MAGI2: variants seen among roughly 807,000 people sequenced by gnomAD.
The protein encoded by MAGI2 is membrane-associated guanylate kinase, WW and PDZ domain-containing protein 2.
In MAGI2, 35 loss-of-function variants were observed where a neutral mutation model predicts 133.3. That is an observed-to-expected ratio of 0.26 (90% CI 0.20 to 0.35). The LOEUF (loss-of-function observed/expected upper bound fraction) is 0.35, where lower values mean the gene tolerates loss of function less well. Ranked by LOEUF, MAGI2 falls within the 10% of genes least tolerant of loss-of-function variation. MAGI2 has a pLI of 1.00. For missense variants in MAGI2, 1,636 were observed against 1,863.4 expected (o/e 0.88, Z 2.25); for synonymous variants, 729 against 710.6 (o/e 1.03, Z -0.41).
chr7:78,420,152 C>T (rs760186074), intron 6 of MAGI2, among the ~76,000 whole-genome samples: 1 of 152,188 alleles, frequency 6.6e-6, no homozygotes, highest in South Asian at 2.1e-4. Flanking sequence ...TGAAAGCCTG[C>T]TCATCATTTG....
chr7:78,989,747 G>A (rs989647792), intron 2 of MAGI2, among the ~76,000 whole-genome samples: 2 of 151,974 alleles, frequency 1.3e-5, no homozygotes, highest in African/African-American at 2.4e-5. Context: ...AACTGGTTGA[G>A]TCTCAACATG....
At chr7:79,428,093 A>C (rs1343325619) in intron 1 of MAGI2, among the ~76,000 whole-genome samples, 1 of 152,118 alleles carries the variant, frequency 6.6e-6, no homozygotes, top group Non-Finnish European at 1.5e-5. Flanking sequence ...GAGCTTACTA[A>C]AGTGACAAGT....
At chr7:79,452,809 G>A in intron 1 of MAGI2, 1 of 578,044 alleles carries the variant, frequency 1.7e-6, no homozygotes, top group Non-Finnish European at 3.0e-6. Context: ...AGCAAACAAA[G>A]TTGCACGCCA....
At chr7:79,171,154 TAGAAGTC>T (rs1319309912) in intron 1 of MAGI2, among the ~76,000 whole-genome samples, 2 of 152,068 alleles carry the variant, frequency 1.3e-5, no homozygotes, top group Non-Finnish European at 2.9e-5. Context: ...CCCATGGTTC[TAGAAGTC>T]AGAAGTCTGA....
intron 2 of MAGI2, among the ~76,000 whole-genome samples, chr7:78,877,393 G>A (rs1795513090): frequency 1.3e-5 from 2 of 152,200 alleles, no homozygotes; most frequent in African/African-American, 2.4e-5. Context: ...AATCTTACAT[G>A]TATAAACCAC....
chr7:78,872,181 A>G (rs1476190644), intron 2 of MAGI2, among the ~76,000 whole-genome samples: 1 of 151,782 alleles, frequency 6.6e-6, no homozygotes, highest in Admixed American at 6.6e-5. Flanking sequence ...TTGGTAAAAA[A>G]CAGACACAAA....
chr7:79,423,931 ATTTGGTTCAT>A (rs2129181499), intron 1 of MAGI2, among the ~76,000 whole-genome samples: 2 of 152,280 alleles, frequency 1.3e-5, no homozygotes, highest in South Asian at 4.1e-4. Flanking sequence ...TGAAGTGTTT[ATTTGGTTCAT>A]GTAACTTTCA....
chr7:79,010,240 T>TATGC (rs1005564256), intron 1 of MAGI2, among the ~76,000 whole-genome samples: 13 of 151,684 alleles, frequency 8.6e-5, no homozygotes, highest in Non-Finnish European at 1.8e-4. Context: ...TATGTATATG[T>TATGC]ATGTATGTGT....
intron 1 of MAGI2, among the ~76,000 whole-genome samples, chr7:79,220,328 A>G (rs1042195096): frequency 6.6e-6 from 1 of 152,046 alleles, no homozygotes; most frequent in African/African-American, 2.4e-5. Context: ...GCCTTAGTCA[A>G]AACATGTAAG....
chr7:78,024,898 C>T (rs1808766541), intron 21 of MAGI2, among the ~76,000 whole-genome samples: 11 of 152,178 alleles, frequency 7.2e-5, no homozygotes, highest in Admixed American at 7.2e-4. Context: ...CTACAAGAAC[C>T]CACTCTTCTT....
intron 1 of MAGI2, among the ~76,000 whole-genome samples, chr7:79,249,557 A>G (rs1401886160): frequency 1.3e-5 from 2 of 152,194 alleles, no homozygotes; most frequent in Non-Finnish European, 2.9e-5. Flanking sequence ...AGAAAATAGG[A>G]TGAATTCCTA....
At chr7:78,613,210 A>G (rs1806665640) in intron 3 of MAGI2, among the ~76,000 whole-genome samples, 1 of 152,166 alleles carries the variant, frequency 6.6e-6, no homozygotes. Context: ...ATGCCAAACT[A>G]CACAATCTTC....
intron 21 of MAGI2, among the ~76,000 whole-genome samples, chr7:78,071,935 T>C (rs1282085536): frequency 6.6e-6 from 1 of 152,180 alleles, no homozygotes; most frequent in Non-Finnish European, 1.5e-5. Flanking sequence ...CACTTAAAAC[T>C]TCCATCAACG....
chr7:78,624,180 T>C (rs1808065540), intron 3 of MAGI2, among the ~76,000 whole-genome samples: 1 of 152,128 alleles, frequency 6.6e-6, no homozygotes, highest in Admixed American at 6.6e-5. Flanking sequence ...ATTTTTTTCT[T>C]GTAAAAATTT....
chr7:78,036,322 T>TA (rs1366216690), intron 21 of MAGI2, among the ~76,000 whole-genome samples: 1 of 152,186 alleles, frequency 6.6e-6, no homozygotes, highest in Non-Finnish European at 1.5e-5. Context: ...CAAAGACTGT[T>TA]AAAAAATTAA....
intron 3 of MAGI2, among the ~76,000 whole-genome samples, chr7:78,601,492 C>T (rs1209076672): frequency 6.6e-6 from 1 of 152,096 alleles, no homozygotes; most frequent in East Asian, 1.9e-4. Context: ...TATAAAAAGT[C>T]TTAAGTCTTA....
intron 1 of MAGI2, among the ~76,000 whole-genome samples, chr7:79,254,152 T>C (rs1483738561): frequency 6.6e-6 from 1 of 152,208 alleles, no homozygotes; most frequent in Non-Finnish European, 1.5e-5. Flanking sequence ...ATTTGTCAAA[T>C]GTGCATTTCT....
chr7:78,034,404 G>A (rs1315174806), intron 21 of MAGI2, among the ~76,000 whole-genome samples: 2 of 152,166 alleles, frequency 1.3e-5, no homozygotes, highest in Non-Finnish European at 2.9e-5. Context: ...ATAAGCAGCA[G>A]AATCATTCCC....
intron 2 of MAGI2, among the ~76,000 whole-genome samples, chr7:78,987,226 A>C (rs1805351070): frequency 6.6e-6 from 1 of 152,068 alleles, no homozygotes; most frequent in Non-Finnish European, 1.5e-5. Flanking sequence ...GGCAATGGAA[A>C]GTGAGACTCA....
Sources: allele counts gnomAD v4.1 joint callset (sites outside exome capture counted in the v4.1 genomes callset), GRCh38; gene constraint gnomAD v4.1.1; transcripts MANE v1.5; gene names NCBI Gene and HGNC (gene_info 2026-07-23, HGNC 2026-07-21).